Variants in SEMA3D observed in about 807,000 individuals in gnomAD.
SEMA3D encodes the protein semaphorin 3D.
SEMA3D carries 84 observed loss-of-function variants against 100.1 expected under a neutral mutation model. That is an observed-to-expected ratio of 0.84 (90% CI 0.70 to 1.01). The LOEUF (loss-of-function observed/expected upper bound fraction) is 1.01. Among genes scored for constraint, SEMA3D ranks in the 50% least tolerant of loss-of-function variants. SEMA3D has a pLI of 0.00. For synonymous variants in SEMA3D, 312 were observed against 320.7 expected (o/e 0.97, Z 0.29); for missense variants, 875 against 934.1 (o/e 0.94, Z 0.82).
chr7:85,076,946 A>G (rs1791941245), intron 5 of SEMA3D, among the ~76,000 whole-genome samples: 1 of 152,038 alleles, frequency 6.6e-6, no homozygotes, highest in South Asian at 2.1e-4. Context: ...CAAAAATACA[A>G]AGAAAAAGAA....
At chr7:85,039,159 A>G (rs1429673369) in intron 11 of SEMA3D, among the ~76,000 whole-genome samples, 4 of 152,158 alleles carry the variant, frequency 2.6e-5, no homozygotes, top group African/African-American at 9.7e-5. Flanking sequence ...GGAACAGGAG[A>G]AAGGGTGTGC....
rs150279829 is a variant in SEMA3D, at chr7:85,104,793, A to G, written c.152-6828T>C. 1.2e-4 allele frequency among the ~76,000 whole-genome samples: 18 copies of G among 152,020 alleles called. 1 individual carries two copies. Among genetic ancestry groups the G allele is most frequent in the Middle Eastern group, 6.8e-3 (2 of 294 alleles). On this transcript the variant is annotated intron_variant, in intron 3 of 18. Coordinates refer to ENST00000284136, the MANE Select transcript of SEMA3D (RefSeq NM_001384900.1). ...CTACATAGATTAAAAAAAAAAGAAA[A>G]GAAAAGAAAAGAAAAAAAATGCTTC...
At chr7:85,135,799 A>G (rs1284442848) in intron 2 of SEMA3D, among the ~76,000 whole-genome samples, 1 of 150,102 alleles carries the variant, frequency 6.7e-6, no homozygotes, top group Non-Finnish European at 1.5e-5. Context: ...AAAAAAAATT[A>G]TAATAAGAAA....
intron 3 of SEMA3D, among the ~76,000 whole-genome samples, chr7:85,115,697 G>A (rs1192754185): frequency 6.6e-6 from 1 of 151,944 alleles, no homozygotes; most frequent in Non-Finnish European, 1.5e-5. Flanking sequence ...GTACACTTAG[G>A]CATTCAACAT....
chr7:85,039,929 A>G (rs748780169), intron 11 of SEMA3D, among the ~76,000 whole-genome samples: 1 of 149,142 alleles, frequency 6.7e-6, no homozygotes, highest in Non-Finnish European at 1.5e-5. Flanking sequence ...GACAACACAT[A>G]TCATGTAAAT....
intron 11 of SEMA3D, among the ~76,000 whole-genome samples, chr7:85,038,818 A>T (rs1002020488): frequency 6.6e-6 from 1 of 152,170 alleles, no homozygotes; most frequent in Non-Finnish European, 1.5e-5. Flanking sequence ...TATCTTCTTT[A>T]TTCTCATATT....
At chr7:85,225,739 G>A in the SEMA3D span, among the ~76,000 whole-genome samples, 8 of 152,038 alleles carry the variant, frequency 5.3e-5, no homozygotes, top group Admixed American at 3.3e-4. Context: ...TGTGGGGTCA[G>A]AGCCCCACAG....
chr7:85,031,629 T>C (rs1439684558), intron 12 of SEMA3D, among the ~76,000 whole-genome samples: 3 of 151,944 alleles, frequency 2.0e-5, no homozygotes, highest in Non-Finnish European at 2.9e-5. Flanking sequence ...ATTCCAGTCA[T>C]AACAATTCAT....
chr7:85,032,879 A>C (rs976326268), intron 12 of SEMA3D, among the ~76,000 whole-genome samples: 2 of 152,106 alleles, frequency 1.3e-5, no homozygotes, highest in African/African-American at 4.8e-5. Context: ...GTCTTTCAGA[A>C]GGAGACTTGG....
intron 9 of SEMA3D, among the ~76,000 whole-genome samples, chr7:85,047,229 C>T (rs1791034047): frequency 6.6e-6 from 1 of 151,876 alleles, no homozygotes; most frequent in African/African-American, 2.4e-5. Flanking sequence ...TATAGTACAT[C>T]TGAGTCATTT....
At chr7:85,206,351 C>A in the SEMA3D span, among the ~76,000 whole-genome samples, 1 of 152,114 alleles carries the variant, frequency 6.6e-6, no homozygotes, top group Non-Finnish European at 1.5e-5. Flanking sequence ...GCAGGCCAAG[C>A]TTGACTCTGA....
chr7:85,167,008 A>G (rs1437857297), intron 1 of SEMA3D, among the ~76,000 whole-genome samples: 1 of 151,944 alleles, frequency 6.6e-6, no homozygotes, highest in Non-Finnish European at 1.5e-5. Context: ...AATTAAACAA[A>G]CTTTAATTGA....
At chr7:85,188,751 G>A (rs893656512), upstream of SEMA3D, among the ~76,000 whole-genome samples, 1 of 152,054 alleles carries the variant, frequency 6.6e-6, no homozygotes, top group Non-Finnish European at 1.5e-5. Flanking sequence ...CTTTTAAGTT[G>A]TAGCTTAATA....
chr7:85,038,241 T>C (rs1790759248), intron 11 of SEMA3D, among the ~76,000 whole-genome samples: 1 of 152,144 alleles, frequency 6.6e-6, no homozygotes. Context: ...AATAAGCTAA[T>C]GATTCTCTAG....
At chr7:85,081,707 G>A in intron 4 of SEMA3D, 128 bp from the exon 5 acceptor site, 1 of 630,932 alleles carries the variant, frequency 1.6e-6, no homozygotes, top group South Asian at 2.2e-5. Context: ...GAGTCAATGT[G>A]GGAAATTTGA....
intron 2 of SEMA3D, among the ~76,000 whole-genome samples, chr7:85,127,622 G>A (rs1006211216): frequency 1.6e-4 from 25 of 152,200 alleles, no homozygotes; most frequent in Admixed American, 1.4e-3. Context: ...AACTGTTGAA[G>A]TTAACACATT....
At chr7:85,008,394 C>T (rs1476188255) in intron 17 of SEMA3D, among the ~76,000 whole-genome samples, 2 of 151,770 alleles carry the variant, frequency 1.3e-5, no homozygotes, top group Admixed American at 1.3e-4. Context: ...TCTGACATCT[C>T]TGCATCAGTT....
chr7:85,236,095 T>C, the SEMA3D span, among the ~76,000 whole-genome samples: 24 of 152,078 alleles, frequency 1.6e-4, no homozygotes, highest in African/African-American at 5.3e-4. Flanking sequence ...TATAAGGCAA[T>C]TACACATTGA....
At chr7:85,210,737 A>G in the SEMA3D span, among the ~76,000 whole-genome samples, 1 of 151,966 alleles carries the variant, frequency 6.6e-6, no homozygotes, top group Non-Finnish European at 1.5e-5. Context: ...GAAGGCAATA[A>G]ATTCAAAGTT....
Sources: allele counts gnomAD v4.1 joint callset (sites outside exome capture counted in the v4.1 genomes callset), GRCh38; gene constraint gnomAD v4.1.1; transcripts MANE v1.5; gene names NCBI Gene and HGNC (gene_info 2026-07-23, HGNC 2026-07-21).